PRRG4: variants seen among roughly 807,000 people sequenced by gnomAD.
PRRG4 encodes the protein transmembrane gamma-carboxyglutamic acid protein 4.
PRRG4 carries 12 observed loss-of-function variants against 20.0 expected under a neutral mutation model. That is an observed-to-expected ratio of 0.60 (90% CI 0.38 to 0.97). The LOEUF (loss-of-function observed/expected upper bound fraction) is 0.97, where lower values mean the gene tolerates loss of function less well. Among genes scored for constraint, PRRG4 ranks in the 50% least tolerant of loss-of-function variants. PRRG4 has a pLI of 0.00. For synonymous variants in PRRG4, 94 were observed against 96.4 expected, an observed-to-expected ratio of 0.98 and a Z score of 0.15; for missense variants, 199 against 265.1, an observed-to-expected ratio of 0.75 and a Z score of 1.73.
Position 32,840,317 on chromosome 11 carries a change from C to A in PRRG4, c.449+78C>A. On this transcript the variant is annotated intron_variant, in intron 5 of 5. Transcript: ENST00000257836. The surrounding 1 kb of genome is among the most constrained non-coding windows in gnomAD (Gnocchi z 4.1). Reference sequence around the variant, plus strand: ...TTTTAACAATGGGTCAAGCAAATGGCTGCCTATTTTCTTAAATAAGCCTTT... The same window carrying A: ...TTTTAACAATGGGTCAAGCAAATGGATGCCTATTTTCTTAAATAAGCCTTT... 2 of 1,090,694 alleles carry A rather than the reference C, an allele frequency of 1.8e-6. No homozygotes were observed. The highest frequency in any genetic ancestry group is 3.3e-5 in the South Asian group (2 of 61,382). The allele number at this position is 1,090,694 out of a possible 1,614,324, so 67.6% of individuals were successfully genotyped here. A position where few individuals can be genotyped will look rare whatever the true frequency, so the allele number is the denominator to read the frequency against.
At chr11:32,853,249 C>T (rs1329714628) in intron 5 of PRRG4, 47 bp from the exon 6 acceptor site, 11 of 1,385,240 alleles carry the variant, frequency 7.9e-6, no homozygotes, top group Middle Eastern at 3.6e-4. Context: ...TCCTCTCAAC[C>T]TAAAAATGCT....
chr11:32,848,592 TATATA>T (rs1265180185), intron 5 of PRRG4, among the ~76,000 whole-genome samples: 1 of 151,322 alleles, frequency 6.6e-6, no homozygotes, highest in African/African-American at 2.4e-5. Flanking sequence ...TTATATATTG[TATATA>T]ATATGTGTAT....
In PRRG4 at chr11:32,857,908, A is replaced by G. The variant is rs564541907; in HGVS notation, c.*4381A>G. ...TCTTCTATATTTTGTGTCTCCTCCA[A>G]CCTCCAACTTTTTTTGTTTTTTGAA... On this transcript the variant is annotated 3_prime_UTR_variant, in exon 6 of 6. Transcript: ENST00000257836. 2 of 152,076 alleles carry G rather than the reference A, an allele frequency of 1.3e-5. No individual in the cohort carries two copies. The highest frequency in any genetic ancestry group is 4.1e-4 in the South Asian group (2 of 4,824). 9.4% of individuals were successfully genotyped at this position (152,076 alleles called of 1,614,324 possible). A position where few individuals can be genotyped will look rare whatever the true frequency, so the allele number is the denominator to read the frequency against.
chr11:32,855,021 G>A lies in PRRG4; in HGVS notation c.*1494G>A, dbSNP rs951159711. 1.3e-5 allele frequency: 2 copies of A among 152,104 alleles called. No homozygotes were observed. Among genetic ancestry groups the A allele is most frequent in the African/African-American group, 2.4e-5 (1 of 41,428 alleles). 9.4% of individuals were successfully genotyped at this position (152,104 alleles called of 1,614,324 possible). On this transcript the variant is annotated 3_prime_UTR_variant, in exon 6 of 6. Coordinates refer to ENST00000257836, the MANE Select transcript of PRRG4 (RefSeq NM_024081.6). ...CTGTATAACTACATATGATTATTTT[G>A]AAATTTGTTAAACTTCATAAGTAAT...
In PRRG4 at chr11:32,844,467, C is replaced by CTATTAT. The variant is rs148170116; in HGVS notation, c.449+4272_449+4277dup. 1.2e-3 allele frequency among the ~76,000 whole-genome samples: 178 copies of CTATTAT among 143,174 alleles called. 2 individuals are homozygous for CTATTAT. The highest frequency in any genetic ancestry group is 2.2e-3 in the South Asian group (10 of 4,452). 93.9% of individuals were successfully genotyped at this position (143,174 alleles called of 152,430 possible). A position where few individuals can be genotyped will look rare whatever the true frequency, so the allele number is the denominator to read the frequency against. The stretch of plus-strand genomic sequence containing the variant: ...GTAGCAAGTACTCAATAAATGTTAG[C>CTATTAT]TATTATTATTATTATTATTATTATT... On this transcript the variant is annotated intron_variant, in intron 5 of 5. Coordinates refer to ENST00000257836, the MANE Select transcript of PRRG4 (RefSeq NM_024081.6).
chr11:32,839,181 A>G (rs1356684321), intron 4 of PRRG4, among the ~76,000 whole-genome samples: 1 of 152,266 alleles, frequency 6.6e-6, no homozygotes, highest in Non-Finnish European at 1.5e-5. Flanking sequence ...TAAACAGCTC[A>G]GCTAAGTCAA....
Position 32,856,140 on chromosome 11 carries a change from TAA to T in PRRG4, c.*2614_*2615del, listed in dbSNP as rs1851226262. The stretch of plus-strand genomic sequence containing the variant: ...AAAATATTTATGATGAATAGAATTA[TAA>T]GATATGTATGTATCTTGCACTGAAT... On this transcript the variant is annotated 3_prime_UTR_variant, in exon 6 of 6. Transcript: ENST00000257836. 6.6e-6 allele frequency: 1 copy of T among 152,200 alleles called. No individual in the cohort carries two copies. Among genetic ancestry groups the T allele is most frequent in the Non-Finnish European group, 1.5e-5 (1 of 68,030 alleles). 9.4% of individuals were successfully genotyped at this position (152,200 alleles called of 1,614,324 possible).
chr11:32,830,615 A>AGCAT lies in PRRG4; in HGVS notation c.89_92dup (p.Gly32CysfsTer18). The stretch of plus-strand genomic sequence containing the variant: ...TGCGCAAGAGGTCCAAAGGCTTCTA[A>AGCAT]GCATGCGGGAGAAGAAGGTAAGCAC... On this transcript the variant is annotated frameshift_variant, in exon 2 of 6. Coordinates refer to ENST00000257836, the MANE Select transcript of PRRG4 (RefSeq NM_024081.6). LOFTEE classifies it high-confidence loss of function. 2.5e-6 allele frequency: 4 copies of AGCAT among 1,613,910 alleles called. No individual in the cohort carries two copies. The highest frequency in any genetic ancestry group is 3.4e-6 in the Non-Finnish European group (4 of 1,179,956).
intron 3 of PRRG4, among the ~76,000 whole-genome samples, chr11:32,837,240 C>A (rs1470682189): frequency 2.0e-5 from 3 of 152,026 alleles, no homozygotes; most frequent in African/African-American, 7.2e-5. Flanking sequence ...GGTGACCTTA[C>A]CTTTTTTGAT....
intron 5 of PRRG4, among the ~76,000 whole-genome samples, chr11:32,850,713 T>C (rs1851175034): frequency 6.6e-6 from 1 of 152,162 alleles, no homozygotes; most frequent in Non-Finnish European, 1.5e-5. Flanking sequence ...ACAAAGAAGC[T>C]GAGAAAGAAA....
chr11:32,847,474 G>T (rs1851141751), intron 5 of PRRG4, among the ~76,000 whole-genome samples: 1 of 152,060 alleles, frequency 6.6e-6, no homozygotes, highest in South Asian at 2.1e-4. Context: ...TAGAATAGCT[G>T]GAATAATAAT....
In PRRG4 at chr11:32,853,439, AAC is replaced by A; in HGVS notation, c.597_598del (p.His199GlnfsTer16). 6.2e-7 allele frequency: 1 copy of A among 1,614,146 alleles called. No individual in the cohort carries two copies. The highest frequency in any genetic ancestry group is 8.5e-7 in the Non-Finnish European group (1 of 1,180,028). Reference sequence around the variant, plus strand: ...GAACAGGCAGTGGCGCTGACCAGAAAACACAGTGTTTCACCACCACCACCATA... The same window carrying A: ...GAACAGGCAGTGGCGCTGACCAGAAAACAGTGTTTCACCACCACCACCATA... On this transcript the variant is annotated frameshift_variant, in exon 6 of 6. Coordinates refer to ENST00000257836, the MANE Select transcript of PRRG4 (RefSeq NM_024081.6). LOFTEE classifies it high-confidence loss of function.
chr11:32,833,532 A>C (rs1047418502), intron 2 of PRRG4, among the ~76,000 whole-genome samples: 1 of 152,224 alleles, frequency 6.6e-6, no homozygotes, highest in Admixed American at 6.5e-5. Context: ...CTAATTCTCC[A>C]TTCTGAACTT....
At chr11:32,842,907 A>G (rs1356259409) in intron 5 of PRRG4, among the ~76,000 whole-genome samples, 1 of 151,964 alleles carries the variant, frequency 6.6e-6, no homozygotes, top group Non-Finnish European at 1.5e-5. Context: ...GCTGGAGTGC[A>G]ATGGTGTGAT....
intron 3 of PRRG4, among the ~76,000 whole-genome samples, chr11:32,838,336 G>T (rs912294330): frequency 4.6e-5 from 7 of 151,928 alleles, no homozygotes; most frequent in African/African-American, 1.7e-4. Context: ...GGCGCCTGTA[G>T]TTCCAGCTAC....
intron 1 of PRRG4, 140 bp downstream of exon 1, chr11:32,830,313 G>A: frequency 1.2e-6 from 1 of 850,794 alleles, no homozygotes; most frequent in Non-Finnish European, 1.6e-6. Flanking sequence ...CAGGGTCACT[G>A]GGCACGGCGT....
rs201924848 is a variant in PRRG4, at chr11:32,853,330, C to G, written c.484C>G (p.Pro162Ala). The part of the protein sequence containing the change: ...SAVYERGRHT[P>A]SIIFRRPEEA... ...CGTCTATGAAAGGGGGAGGCACACT[C>G]CCTCCATCATTTTCAGAAGACCTGA... Residue 162 changes from proline to alanine, a missense_variant, in exon 6 of 6, where the codon CCC becomes GCC. Pro to Ala is a conservative substitution (Grantham distance 27). Coordinates refer to ENST00000257836, the MANE Select transcript of PRRG4 (RefSeq NM_024081.6). The G allele has an allele frequency of 1.2e-3, 2,013 of 1,613,456 alleles. 43 individuals carry two copies. The South Asian group carries it at 0.02, about 16-fold the overall frequency.
chr11:32,842,651 C>T (rs907632807), intron 5 of PRRG4, among the ~76,000 whole-genome samples: 3 of 151,852 alleles, frequency 2.0e-5, no homozygotes. Flanking sequence ...ACCCAGGAGG[C>T]AGAGGTTGTG....
In PRRG4 at chr11:32,854,220, G is replaced by T. The variant is rs1851210164; in HGVS notation, c.*693G>T. On this transcript the variant is annotated 3_prime_UTR_variant, in exon 6 of 6. Transcript: ENST00000257836. ...TACAGATAAAGGTTATAGATTTCTTGTGTTGAATATTAAAAAAGCAAGGAT... is the reference window on the plus strand; with the variant it reads ...TACAGATAAAGGTTATAGATTTCTTTTGTTGAATATTAAAAAAGCAAGGAT... The T allele has an allele frequency of 6.6e-6, 1 of 152,184 alleles. No individual in the cohort carries two copies. Among genetic ancestry groups the T allele is most frequent in the Non-Finnish European group, 1.5e-5 (1 of 68,034 alleles). The allele number at this position is 152,184 out of a possible 1,614,324, so 9.4% of individuals were successfully genotyped here. A position where few individuals can be genotyped will look rare whatever the true frequency, so the allele number is the denominator to read the frequency against.
Sources: allele counts gnomAD v4.1 joint callset (sites outside exome capture counted in the v4.1 genomes callset), GRCh38; gene constraint gnomAD v4.1.1; non-coding constraint Gnocchi (gnomAD v3.1); transcripts MANE v1.5; gene names NCBI Gene and HGNC (gene_info 2026-07-23, HGNC 2026-07-21).